ARHGEF28: variants seen among roughly 807,000 people sequenced by gnomAD.
The protein encoded by ARHGEF28 is 190 kDa guanine nucleotide exchange factor.
In ARHGEF28, 152 loss-of-function variants were observed where a neutral mutation model predicts 206.6. The ratio of observed to expected loss-of-function variants is 0.74; its 90% confidence interval spans 0.64 to 0.84. The LOEUF (loss-of-function observed/expected upper bound fraction) is 0.84, where lower values mean the gene tolerates loss of function less well. Among genes scored for constraint, ARHGEF28 ranks in the 40% least tolerant of loss-of-function variants. The probability of loss-of-function intolerance (pLI) is 0.00; values close to 1 mark genes in which losing one functional copy is unlikely to be tolerated. For missense variants in ARHGEF28, 2,028 were observed against 2,073.2 expected, an observed-to-expected ratio of 0.98 and a Z score of 0.42; for synonymous variants, 763 against 776.4, an observed-to-expected ratio of 0.98 and a Z score of 0.29.
chr5:73,661,717 C>T (rs1000212925), intron 1 of ARHGEF28, among the ~76,000 whole-genome samples: 9 of 151,978 alleles, frequency 5.9e-5, no homozygotes, highest in African/African-American at 1.9e-4. Context: ...AGGGAATGGC[C>T]AGATGGTGGA....
At chr5:73,795,624 A>G (rs1754756346) in intron 9 of ARHGEF28, 1 of 430,302 alleles carries the variant, frequency 2.3e-6, no homozygotes, top group Non-Finnish European at 4.1e-6. Flanking sequence ...TTTCCTGAAC[A>G]GTTTTACTCT....
At chr5:73,714,634 A>G (rs1749461735) in intron 2 of ARHGEF28, among the ~76,000 whole-genome samples, 2 of 152,204 alleles carry the variant, frequency 1.3e-5, no homozygotes, top group East Asian at 3.8e-4. Context: ...CTCTGGGTGT[A>G]TGACTCTGTG....
chr5:73,821,325 C>T (rs1756573595), intron 9 of ARHGEF28, among the ~76,000 whole-genome samples: 1 of 152,170 alleles, frequency 6.6e-6, no homozygotes, highest in Non-Finnish European at 1.5e-5. Flanking sequence ...AGGGAAAAAA[C>T]ATACATTTCC....
intron 29 of ARHGEF28, 130 bp downstream of exon 29, chr5:73,894,705 G>A: frequency 8.8e-7 from 1 of 1,130,422 alleles, no homozygotes; most frequent in East Asian, 2.6e-5. Flanking sequence ...TACTCGGCTG[G>A]AACTTATATT....
intron 35 of ARHGEF28, among the ~76,000 whole-genome samples, chr5:73,927,540 C>G (rs1763888676): frequency 6.6e-6 from 1 of 152,104 alleles, no homozygotes; most frequent in South Asian, 2.1e-4. Context: ...AGCAATTTAT[C>G]ATGAGACTGG....
At chr5:73,894,800 G>A (rs1761863842) in intron 29 of ARHGEF28, among the ~76,000 whole-genome samples, 1 of 152,222 alleles carries the variant, frequency 6.6e-6, no homozygotes, top group Non-Finnish European at 1.5e-5. Flanking sequence ...AAGGGAGAGA[G>A]AGGGTGATGG....
chr5:73,731,840 C>A (rs1026954273), intron 2 of ARHGEF28, among the ~76,000 whole-genome samples: 2 of 152,052 alleles, frequency 1.3e-5, no homozygotes, highest in Non-Finnish European at 2.9e-5. Flanking sequence ...ATCAATGAAG[C>A]TGTTTTCTCC....
intron 4 of ARHGEF28, among the ~76,000 whole-genome samples, chr5:73,767,893 A>G (rs1358869536): frequency 6.6e-6 from 1 of 152,148 alleles, no homozygotes; most frequent in African/African-American, 2.4e-5. Flanking sequence ...AAATGGTTTC[A>G]TGGGCTGGGC....
chr5:73,786,413 G>A (rs141889000), intron 7 of ARHGEF28: 3 of 152,358 alleles, frequency 2.0e-5, no homozygotes, highest in African/African-American at 7.2e-5. Flanking sequence ...CTATAGAGCA[G>A]AGGACTGATC....
chr5:73,829,958 C>T (rs1757184820), intron 9 of ARHGEF28, among the ~76,000 whole-genome samples: 1 of 152,090 alleles, frequency 6.6e-6, no homozygotes, highest in Non-Finnish European at 1.5e-5. Context: ...CCCACAATCT[C>T]TTCTTTGAAA....
chr5:73,818,572 A>G (rs981111183), intron 9 of ARHGEF28, among the ~76,000 whole-genome samples: 1 of 152,144 alleles, frequency 6.6e-6, no homozygotes, highest in African/African-American at 2.4e-5. Flanking sequence ...ACCTGCTAAG[A>G]TTTCTTTGGC....
At chr5:73,791,707 A>C (rs894740970) in intron 7 of ARHGEF28, among the ~76,000 whole-genome samples, 1 of 152,206 alleles carries the variant, frequency 6.6e-6, no homozygotes, top group Non-Finnish European at 1.5e-5. Context: ...ACAGCGACTT[A>C]ACCCTGTTCA....
At chr5:73,649,101 T>C (rs969962041) in intron 1 of ARHGEF28, among the ~76,000 whole-genome samples, 1 of 152,226 alleles carries the variant, frequency 6.6e-6, no homozygotes, top group Non-Finnish European at 1.5e-5. Context: ...TTATGTATGA[T>C]CCCCATTGTA....
At chr5:73,813,396 G>T in intron 9 of ARHGEF28, 1 of 1,151,696 alleles carries the variant, frequency 8.7e-7, no homozygotes, top group Non-Finnish European at 1.2e-6. Flanking sequence ...CCTCCTTGTC[G>T]GTCTACACGC....
intron 7 of ARHGEF28, among the ~76,000 whole-genome samples, chr5:73,790,572 A>G (rs745555945): frequency 6.6e-6 from 1 of 151,948 alleles, no homozygotes; most frequent in Non-Finnish European, 1.5e-5. Context: ...TCACTCACTG[A>G]TAAGTCTCAT....
intron 2 of ARHGEF28, among the ~76,000 whole-genome samples, chr5:73,737,060 A>G (rs1750982451): frequency 6.6e-6 from 1 of 152,046 alleles, no homozygotes; most frequent in Non-Finnish European, 1.5e-5. Flanking sequence ...CATTAGTAGG[A>G]TGTGAGTAGT....
At chr5:73,694,563 A>G (rs1243199388) in intron 2 of ARHGEF28, among the ~76,000 whole-genome samples, 2 of 152,244 alleles carry the variant, frequency 1.3e-5, no homozygotes, top group Non-Finnish European at 2.9e-5. Context: ...AGTAAAAGAA[A>G]TAACGTGATC....
intron 7 of ARHGEF28, among the ~76,000 whole-genome samples, chr5:73,781,931 A>G (rs753397569): frequency 5.9e-5 from 9 of 152,162 alleles, no homozygotes; most frequent in Non-Finnish European, 4.4e-5. Context: ...TGTAAAGGGC[A>G]TAGGTCTGAT....
rs564908988 is a variant in ARHGEF28 at position 73,816,624 on chromosome 5, A to G, written c.1025-15714A>G. On this transcript the variant is annotated intron_variant, in intron 9 of 35. Transcript: ENST00000513042. ...GCAAGGATTTGGTAACAAGAGGAAA[A>G]TAACATTAGCAGAAACTCGCTAATA... Among the ~76,000 whole-genome samples, 8 of 152,348 alleles carry G rather than the reference A, an allele frequency of 5.3e-5. No individual in the cohort carries two copies. In the South Asian group the frequency reaches 1.7e-3, roughly 32 times the overall value.
Sources: gnomAD v4.1 joint callset for allele counts (sites outside exome capture counted in the v4.1 genomes callset) on GRCh38, gnomAD v4.1.1 for gene constraint, MANE v1.5 for transcripts, NCBI Gene and HGNC (gene_info 2026-07-23, HGNC 2026-07-21) for gene names.